Variants in ZNF248 observed in about 807,000 individuals in gnomAD.
ZNF248 encodes zinc finger protein 248.
Under a neutral mutation model 44.3 loss-of-function variants are expected in ZNF248, and 20 were observed. The ratio of observed to expected loss-of-function variants is 0.45; its 90% CI spans 0.32 to 0.66. ZNF248 has a LOEUF of 0.66. Ranked by LOEUF, ZNF248 falls within the 30% of genes least tolerant of loss-of-function variation. The pLI, the probability that ZNF248 is intolerant of heterozygous loss-of-function variation, is 0.04. For missense variants in ZNF248, 654 were observed against 677.0 expected (o/e 0.97, Z 0.38); for synonymous variants, 224 against 229.0 (o/e 0.98, Z 0.20).
In ZNF248 at chr10:37,856,509, A is replaced by G; in HGVS notation, c.-102T>C. The stretch of plus-strand genomic sequence containing the variant: ...CACTGAGTGAATGTAAATATTTCTT[A>G]TTGATTTATTACCAATTTAGGTTCT... On this transcript the variant is annotated 5_prime_UTR_variant, in exon 2 of 6. Coordinates refer to ENST00000395867, the MANE Select transcript of ZNF248 (RefSeq NM_021045.3). 5.7e-6 allele frequency: 7 copies of G among 1,231,460 alleles called. No individual in the cohort carries two copies. Among genetic ancestry groups the G allele is most frequent in the Non-Finnish European group, 7.1e-6 (7 of 985,000 alleles). 76.3% of individuals were successfully genotyped at this position (1,231,460 alleles called of 1,614,324 possible). A position where few individuals can be genotyped will look rare whatever the true frequency, so the allele number is the denominator to read the frequency against.
chr10:37,813,718 T>C (rs1287120014), intron 6 of ZNF248, among the ~76,000 whole-genome samples: 6 of 152,198 alleles, frequency 3.9e-5, no homozygotes, highest in African/African-American at 1.4e-4. Context: ...ATGCCACTAG[T>C]AGTTACATTT....
At position 37,829,626 on chromosome 10, in the gene ZNF248, C is replaced by G; in HGVS notation, c.*1989G>C. The stretch of plus-strand genomic sequence containing the variant: ...AACAGGTATAGAGAGCAGAGTAGCT[C>G]GGCAACGTCACCTCTGAGCTGGCTT... On this transcript the variant is annotated 3_prime_UTR_variant, in exon 6 of 6. Transcript: ENST00000395867. 1 of 985,354 alleles carries G rather than the reference C, an allele frequency of 1.0e-6. No individual in the cohort carries two copies. The highest frequency in any genetic ancestry group is 1.2e-6 in the Non-Finnish European group (1 of 829,922). The allele number at this position is 985,354 out of a possible 1,614,324, so 61.0% of individuals were successfully genotyped here.
At chr10:37,846,236 G>T (rs899838790) in intron 3 of ZNF248, among the ~76,000 whole-genome samples, 2 of 152,164 alleles carry the variant, frequency 1.3e-5, no homozygotes, top group Admixed American at 1.3e-4. Context: ...CCCAAGTTTG[G>T]TTTGGTAACA....
intron 6 of ZNF248, among the ~76,000 whole-genome samples, chr10:37,817,126 T>C (rs766609332): frequency 9.2e-5 from 14 of 152,128 alleles, no homozygotes; most frequent in Admixed American, 2.6e-4. Flanking sequence ...TAGATGCCAC[T>C]GCCCTCAAAT....
At chr10:37,820,300 T>A in intron 6 of ZNF248, 1 of 1,392,780 alleles carries the variant, frequency 7.2e-7, no homozygotes, top group South Asian at 1.2e-5. Flanking sequence ...GATGAGGGAC[T>A]GTTTTGCTGA....
At chr10:37,782,420 A>G (rs2132913874) in intron 6 of ZNF248, among the ~76,000 whole-genome samples, 1 of 152,130 alleles carries the variant, frequency 6.6e-6, no homozygotes, top group South Asian at 2.1e-4. Context: ...GAAAAGGTGA[A>G]TATATTTTGC....
chr10:37,833,201 C>G (rs2056327504), intron 5 of ZNF248, 85 bp from the exon 6 acceptor site: 1 of 1,476,334 alleles, frequency 6.8e-7, no homozygotes, highest in African/African-American at 1.4e-5. Context: ...CACTATCATA[C>G]AGTCAATTCT....
chr10:37,851,619 A>AG, intron 3 of ZNF248, among the ~76,000 whole-genome samples: 2 of 152,116 alleles, frequency 1.3e-5, no homozygotes, highest in Non-Finnish European at 2.9e-5. Context: ...CAGGGGTTCA[A>AG]GAAAAAAAAA....
At chr10:37,853,804 T>A (rs139251740) in intron 3 of ZNF248, among the ~76,000 whole-genome samples, 1,700 of 151,628 alleles carry the variant, frequency 0.011, 36 homozygotes, top group African/African-American at 0.038. Flanking sequence ...CAAAAAAAAA[T>A]GACGAATCTG....
chr10:37,799,680 C>A (rs914534536), intron 6 of ZNF248, among the ~76,000 whole-genome samples: 1 of 151,970 alleles, frequency 6.6e-6, no homozygotes, highest in African/African-American at 2.4e-5. Context: ...CAGGACAAGA[C>A]GAACCTAATG....
At chr10:37,837,585 T>G in intron 5 of ZNF248, 32 bp downstream of exon 5, 1 of 1,575,956 alleles carries the variant, frequency 6.3e-7, no homozygotes. Context: ...TAATTTCCTC[T>G]GGCTTTCATC....
rs537916858 is a variant in ZNF248, at chr10:37,814,452, T to G, written c.330+18573A>C. On this transcript the variant is annotated intron_variant, in intron 6 of 6. Coordinates refer to the ZNF248 transcript ENST00000615949. ...CAGTAATACATCTTTGTATTATAACTCCCTGTGCATTTACCTTTATCAGAT... is the reference window on the plus strand; with the variant it reads ...CAGTAATACATCTTTGTATTATAACGCCCTGTGCATTTACCTTTATCAGAT... 7.9e-5 allele frequency among the ~76,000 whole-genome samples: 12 copies of G among 152,364 alleles called. No homozygotes were observed. In the South Asian group the frequency reaches 2.5e-3, roughly 32 times the overall value.
intron 3 of ZNF248, among the ~76,000 whole-genome samples, chr10:37,853,991 T>C (rs913414153): frequency 2.6e-5 from 4 of 152,150 alleles, no homozygotes; most frequent in Middle Eastern, 3.4e-3. Context: ...CCTTGTGGGG[T>C]TCAGAACACA....
chr10:37,764,672 C>A, the ZNF248 span, among the ~76,000 whole-genome samples: 3 of 152,098 alleles, frequency 2.0e-5, no homozygotes, highest in Admixed American at 2.0e-4. Flanking sequence ...TAGGCCGACA[C>A]CGGGAAAATA....
the ZNF248 span, among the ~76,000 whole-genome samples, chr10:37,770,142 G>C: frequency 2.0e-5 from 3 of 152,090 alleles, no homozygotes; most frequent in Non-Finnish European, 2.9e-5. Flanking sequence ...ACAAATGGAG[G>C]AACATTCCAT....
At chr10:37,806,002 CTAGGAG>C (rs2050505447) in intron 6 of ZNF248, among the ~76,000 whole-genome samples, 1 of 152,114 alleles carries the variant, frequency 6.6e-6, no homozygotes, top group Non-Finnish European at 1.5e-5. Flanking sequence ...GCGTATATTT[CTAGGAG>C]TAGAATTGTT....
At chr10:37,815,265 A>G (rs1037162781) in intron 6 of ZNF248, among the ~76,000 whole-genome samples, 6 of 151,396 alleles carry the variant, frequency 4.0e-5, no homozygotes, top group African/African-American at 1.5e-4. Context: ...CAGTTTCACC[A>G]TGTTGGCCAG....
chr10:37,815,624 T>C (rs571255661), intron 6 of ZNF248, among the ~76,000 whole-genome samples: 1 of 152,196 alleles, frequency 6.6e-6, no homozygotes, highest in East Asian at 1.9e-4. Flanking sequence ...ATCTGGTCTT[T>C]TTCAGGGACA....
In ZNF248 at chr10:37,838,120, G is replaced by A. The variant is rs759666357; in HGVS notation, c.16-9C>T. On this transcript the variant is annotated splice_polypyrimidine_tract_variant and intron_variant, in intron 3 of 5. Coordinates refer to ENST00000395867, the MANE Select transcript of ZNF248 (RefSeq NM_021045.3). ...TTGAATGACACTTGTTCCTGTAATA[G>A]TATACTCTTTTTACATGAAATGGTC... 1.9e-6 allele frequency: 3 copies of A among 1,606,180 alleles called. No homozygotes were observed. The highest frequency in any genetic ancestry group is 1.1e-5 in the South Asian group (1 of 90,480).
Sources: allele counts gnomAD v4.1 joint callset (sites outside exome capture counted in the v4.1 genomes callset), GRCh38; gene constraint gnomAD v4.1.1; transcripts MANE v1.5; gene names NCBI Gene and HGNC (gene_info 2026-07-23, HGNC 2026-07-21).